GTF2IRD1: variants seen among roughly 807,000 people sequenced by gnomAD.
GTF2IRD1 encodes the protein GTF2I repeat domain containing 1.
Under a neutral mutation model 113.2 loss-of-function variants are expected in GTF2IRD1, and 26 were observed. The ratio of observed to expected loss-of-function variants is 0.23; its 90% CI spans 0.17 to 0.32. The LOEUF (loss-of-function observed/expected upper bound fraction) is 0.32. GTF2IRD1 is among the 10% of genes least tolerant of loss of function. GTF2IRD1 has a pLI of 1.00. For synonymous variants in GTF2IRD1, 484 were observed against 529.1 expected, an observed-to-expected ratio of 0.91 and a Z score of 1.17; for missense variants, 864 against 1,280.8, an observed-to-expected ratio of 0.67 and a Z score of 4.97.
intron 24 of GTF2IRD1, among the ~76,000 whole-genome samples, chr7:74,593,103 C>T (rs1305910666): frequency 1.3e-5 from 2 of 151,856 alleles, no homozygotes; most frequent in Non-Finnish European, 2.9e-5. Flanking sequence ...GTGATCCGCC[C>T]ACCTTGGCCT....
chr7:74,468,200 A>G (rs147447467), intron 1 of GTF2IRD1, among the ~76,000 whole-genome samples: 2 of 152,232 alleles, frequency 1.3e-5, no homozygotes, highest in East Asian at 3.9e-4. Context: ...AAATATAGCA[A>G]ATATCTAAAT....
rs376623535 is a variant in GTF2IRD1, at chr7:74,558,852, C to T, written c.2108-9C>T. The T allele has an allele frequency of 5.5e-5, 88 of 1,607,264 alleles. No homozygotes were observed. Among genetic ancestry groups the T allele is most frequent in the South Asian group, 5.4e-4 (49 of 90,510 alleles). On this transcript the variant is annotated splice_polypyrimidine_tract_variant and intron_variant, in intron 20 of 26. Transcript: ENST00000424337. Reference sequence around the variant, plus strand: ...TCCTGACGGGCAGGACCCTGCCTCTCGCCCACAGGGGAAGCCTTGGGCATC... The same window carrying T: ...TCCTGACGGGCAGGACCCTGCCTCTTGCCCACAGGGGAAGCCTTGGGCATC...
chr7:74,565,677 A>G (rs1314188531), intron 22 of GTF2IRD1, among the ~76,000 whole-genome samples: 1 of 151,938 alleles, frequency 6.6e-6, no homozygotes, highest in African/African-American at 2.4e-5. Context: ...AGGTCATAAA[A>G]ACCTAAAGGG....
chr7:74,560,925 G>C (rs1799918736), intron 22 of GTF2IRD1, among the ~76,000 whole-genome samples: 1 of 152,064 alleles, frequency 6.6e-6, no homozygotes. Context: ...TCTCCACCAT[G>C]GACTGTGTCC....
chr7:74,585,505 G>A (rs587653169), intron 22 of GTF2IRD1, among the ~76,000 whole-genome samples: 2 of 152,230 alleles, frequency 1.3e-5, no homozygotes, highest in Admixed American at 1.3e-4. Context: ...CCCGACACAG[G>A]AGAAGACAGA....
chr7:74,589,971 C>CG (rs1801957418), intron 23 of GTF2IRD1, 43 bp downstream of exon 23: 1 of 1,333,566 alleles, frequency 7.5e-7, no homozygotes, highest in South Asian at 1.2e-5. Context: ...GCCCTCCTCC[C>CG]GGGGGTGGTG....
chr7:74,518,135 A>G lies in GTF2IRD1; in HGVS notation c.422-4A>G. ...AGGCCCCTCTCCTGGACTCTCCCCT[A>G]CAGGCGAGGCCCTGGGAAGGGCCAG... is the stretch of plus-strand genomic sequence containing the variant. On this transcript the variant is annotated splice_polypyrimidine_tract_variant and splice_region_variant and intron_variant, in intron 4 of 26. Coordinates refer to ENST00000424337, the MANE Select transcript of GTF2IRD1 (RefSeq NM_005685.4). 1 of 1,555,750 alleles carries G rather than the reference A, an allele frequency of 6.4e-7. No individual in the cohort carries two copies. The highest frequency in any genetic ancestry group is 8.7e-7 in the Non-Finnish European group (1 of 1,147,730).
chr7:74,520,229 A>C (rs75617972), intron 6 of GTF2IRD1, among the ~76,000 whole-genome samples: 1,650 of 151,992 alleles, frequency 0.011, 18 homozygotes, highest in Middle Eastern at 0.041. Context: ...ATTCCAACTG[A>C]ATGAGCACCC....
At chr7:74,476,446 CCT>C (rs1562781521) in intron 1 of GTF2IRD1, among the ~76,000 whole-genome samples, 1 of 146,972 alleles carries the variant, frequency 6.8e-6, no homozygotes, top group Admixed American at 7.0e-5. Context: ...CTCACTGCAA[CCT>C]CTGCCTCCCG....
chr7:74,504,507 C>T (rs1796199622), intron 1 of GTF2IRD1, among the ~76,000 whole-genome samples: 1 of 152,102 alleles, frequency 6.6e-6, no homozygotes, highest in Non-Finnish European at 1.5e-5. Context: ...TTCCCTGCAT[C>T]CCTGTGAATG....
At chr7:74,457,358 A>T (rs1793054613) in intron 1 of GTF2IRD1, among the ~76,000 whole-genome samples, 1 of 152,116 alleles carries the variant, frequency 6.6e-6, no homozygotes, top group Admixed American at 6.6e-5. Context: ...CCCCAATTGC[A>T]CTAGGGACAG....
intron 1 of GTF2IRD1, among the ~76,000 whole-genome samples, chr7:74,463,652 G>A (rs1436160932): frequency 6.6e-6 from 1 of 152,164 alleles, no homozygotes; most frequent in African/African-American, 2.4e-5. Flanking sequence ...GGCCACCAAG[G>A]AGCGGGTGGT....
At chr7:74,467,675 A>G (rs1343096323) in intron 1 of GTF2IRD1, among the ~76,000 whole-genome samples, 3 of 150,834 alleles carry the variant, frequency 2.0e-5, no homozygotes, top group Non-Finnish European at 4.4e-5. Context: ...TAATTTTTGT[A>G]TTTTATTTTG....
intron 1 of GTF2IRD1, among the ~76,000 whole-genome samples, chr7:74,454,429 C>T (rs1291575529): frequency 3.3e-5 from 5 of 151,964 alleles, no homozygotes; most frequent in African/African-American, 9.7e-5. Context: ...GAGCTGTCAC[C>T]CCCTCCCTCC....
rs782551033 is a variant in GTF2IRD1, at chr7:74,536,275, G to A, written c.1409G>A (p.Arg470Gln). Residue 470 changes from arginine to glutamine, a missense_variant and splice_region_variant, in exon 11 of 27, where the codon CGG becomes CAG. Physicochemically the swap from Arg to Gln is conservative, Grantham distance 43. Coordinates refer to ENST00000424337, the MANE Select transcript of GTF2IRD1 (RefSeq NM_005685.4). ...GTCCTTGACCTTGCTGGGAATGCTCGGTGAGGCCCCGCCCCTGGCCCCGGA... is the reference window on the plus strand; with the variant it reads ...GTCCTTGACCTTGCTGGGAATGCTCAGTGAGGCCCCGCCCCTGGCCCCGGA... ...ATVLDLAGNA[R>Q]SDKGSMSEDC... The A allele has an allele frequency of 3.2e-6, 5 of 1,585,070 alleles. No homozygotes were observed. The highest frequency in any genetic ancestry group is 2.2e-5 in the South Asian group (2 of 90,546).
chr7:74,482,107 G>A lies in GTF2IRD1; in HGVS notation c.-6-25968G>A, dbSNP rs571637899. Reference sequence around the variant, plus strand: ...TGGAGGTGGAGCCCTGCCTCTAGGCGGAACTGTACCATCTGTAGTTGCAGG... The same window carrying A: ...TGGAGGTGGAGCCCTGCCTCTAGGCAGAACTGTACCATCTGTAGTTGCAGG... On this transcript the variant is annotated intron_variant, in intron 1 of 26. Transcript: ENST00000424337. 1.7e-4 allele frequency among the ~76,000 whole-genome samples: 26 copies of A among 152,304 alleles called. No individual in the cohort carries two copies. In the East Asian group the frequency reaches 1.9e-3, roughly 11 times the overall value.
chr7:74,476,366 C>CTTT (rs61151844), intron 1 of GTF2IRD1, among the ~76,000 whole-genome samples: 13 of 122,150 alleles, frequency 1.1e-4, no homozygotes, highest in South Asian at 7.7e-4. Context: ...TCTGAACCTC[C>CTTT]TTTTTTTTTT....
At chr7:74,470,822 G>A (rs1562775633) in intron 1 of GTF2IRD1, among the ~76,000 whole-genome samples, 1 of 151,444 alleles carries the variant, frequency 6.6e-6, no homozygotes, top group South Asian at 2.1e-4. Flanking sequence ...TTTTTTTTTC[G>A]AGACGGAGCC....
At chr7:74,472,015 A>G (rs1794144716) in intron 1 of GTF2IRD1, among the ~76,000 whole-genome samples, 1 of 152,162 alleles carries the variant, frequency 6.6e-6, no homozygotes, top group South Asian at 2.1e-4. Flanking sequence ...CAAACAAACA[A>G]AACAGAACAC....
Sources: allele counts gnomAD v4.1 joint callset (sites outside exome capture counted in the v4.1 genomes callset), GRCh38; gene constraint gnomAD v4.1.1; transcripts MANE v1.5; gene names NCBI Gene and HGNC (gene_info 2026-07-23, HGNC 2026-07-21).